Variants in WDFY3 observed in about 807,000 individuals in gnomAD.
The protein encoded by WDFY3 is WD repeat and FYVE domain containing 3.
In WDFY3, 66 loss-of-function variants were observed where a neutral mutation model predicts 409.6. The observed-to-expected ratio is 0.16, with a 90% CI of 0.13 to 0.20. WDFY3 has a LOEUF of 0.20. Among genes scored for constraint, WDFY3 ranks in the 10% least tolerant of loss-of-function variants. The pLI is 1.00. For missense variants in WDFY3, 3,031 were observed against 4,298.1 expected (o/e 0.71, Z 8.24); for synonymous variants, 1,521 against 1,537.1 (o/e 0.99, Z 0.25).
In WDFY3 at chr4:84,733,476, C is replaced by A; in HGVS notation, c.7127G>T (p.Gly2376Val). 6.2e-7 allele frequency: 1 copy of A among 1,613,998 alleles called. No homozygotes were observed. The highest frequency in any genetic ancestry group is 8.5e-7 in the Non-Finnish European group (1 of 1,180,016). The change falls in exon 44 of 68, where the codon GGG becomes GTG. Residue 2376 changes from glycine (G) to valine (V), a missense_variant. Physicochemically the swap from Gly to Val is moderately radical, Grantham distance 109. Transcript: ENST00000295888. The part of the protein sequence containing the change: ...LDKWMLEMTE[G>V]PCRMRKKMVR... ...CATCTTTTTCCTCATCCTGCAGGGC[C>A]CTTCTGTCATCTCCAGCATCCACTT...
At chr4:84,896,301 A>G (rs1259230979) in intron 3 of WDFY3, among the ~76,000 whole-genome samples, 1 of 151,862 alleles carries the variant, frequency 6.6e-6, no homozygotes, top group East Asian at 1.9e-4. Context: ...GAAAATGTAA[A>G]GCAAAAAAAT....
chr4:84,859,075 CAG>C (rs923169517), intron 4 of WDFY3, among the ~76,000 whole-genome samples: 1 of 150,676 alleles, frequency 6.6e-6, no homozygotes, highest in African/African-American at 2.4e-5. Context: ...GTGGGAGGGA[CAG>C]AGAAAGGAGG....
chr4:84,947,429 T>C (rs1773003321), intron 1 of WDFY3, among the ~76,000 whole-genome samples: 1 of 150,344 alleles, frequency 6.7e-6, no homozygotes, highest in South Asian at 2.1e-4. Flanking sequence ...GGAGAATCGC[T>C]TGAACTCGGG....
chr4:84,906,278 C>T (rs1025655971), intron 2 of WDFY3, among the ~76,000 whole-genome samples: 4 of 152,072 alleles, frequency 2.6e-5, no homozygotes, highest in Non-Finnish European at 5.9e-5. Context: ...CAGAGACAGA[C>T]GTGTTTCATT....
intron 6 of WDFY3, among the ~76,000 whole-genome samples, chr4:84,837,706 AT>A (rs1326806763): frequency 6.6e-6 from 1 of 152,202 alleles, no homozygotes; most frequent in Non-Finnish European, 1.5e-5. Flanking sequence ...ATATTTCAAC[AT>A]TGTTAAGTAT....
At chr4:84,949,054 T>C (rs1773268041) in intron 1 of WDFY3, among the ~76,000 whole-genome samples, 1 of 152,154 alleles carries the variant, frequency 6.6e-6, no homozygotes, top group South Asian at 2.1e-4. Flanking sequence ...CCTCAGCGCC[T>C]GTAGTTAGTT....
At position 84,733,621 on chromosome 4, in the gene WDFY3, G is replaced by A; in HGVS notation, c.6994-12C>T. The A allele has an allele frequency of 6.2e-7, 1 of 1,603,512 alleles. No homozygotes were observed. The highest frequency in any genetic ancestry group is 8.5e-7 in the Non-Finnish European group (1 of 1,174,304). Reference sequence around the variant, plus strand: ...GCATTCTGCTGACGCTGACAGGAAAGAGTCCAGGTCGGTTTTCAAGCAAAA... The same window carrying A: ...GCATTCTGCTGACGCTGACAGGAAAAAGTCCAGGTCGGTTTTCAAGCAAAA... On this transcript the variant is annotated splice_polypyrimidine_tract_variant and intron_variant, in intron 43 of 67. Transcript: ENST00000295888.
intron 51 of WDFY3, among the ~76,000 whole-genome samples, chr4:84,711,863 T>A (rs563048260): frequency 9.5e-4 from 142 of 149,284 alleles, no homozygotes; most frequent in Middle Eastern, 3.5e-3. Flanking sequence ...AAAAAAAAAA[T>A]AATAATAATA....
chr4:84,715,274 C>A (rs1733666385), intron 50 of WDFY3, 24 bp downstream of exon 50: 1 of 1,436,566 alleles, frequency 7.0e-7, no homozygotes. Context: ...TAATAGTATA[C>A]AAAGTGTTCC....
intron 2 of WDFY3, among the ~76,000 whole-genome samples, chr4:84,921,711 G>A (rs1386289554): frequency 8.1e-6 from 1 of 123,740 alleles, no homozygotes; most frequent in Non-Finnish European, 1.6e-5. Context: ...AGGCTGGAGT[G>A]CTGTGACACA....
At chr4:84,912,163 G>A (rs909579364) in intron 2 of WDFY3, among the ~76,000 whole-genome samples, 16 of 152,142 alleles carry the variant, frequency 1.1e-4, no homozygotes, top group Admixed American at 1.3e-4. Context: ...GAACTCATAC[G>A]AAGTGCCACT....
rs536825127 is a variant in WDFY3 at position 84,848,459 on chromosome 4, G to C, written c.304+1443C>G. ...GCAAGATTTTCCAAAATGACCCTGA[G>C]TGCTCATCCTGGGCTGCATGGAAGG... On this transcript the variant is annotated intron_variant, in intron 5 of 67. Transcript: ENST00000295888. Among the ~76,000 whole-genome samples the C allele has an allele frequency of 5.9e-5, 9 of 152,260 alleles. No homozygotes were observed. In the South Asian group the frequency reaches 6.2e-4, roughly 11 times the overall value.
rs1423335524 is a variant in WDFY3 at position 84,899,604 on chromosome 4, T to G, written c.-131-2594A>C. 1.3e-5 allele frequency among the ~76,000 whole-genome samples: 2 copies of G among 152,136 alleles called. 1 individual carries two copies. Among genetic ancestry groups the G allele is most frequent in the African/African-American group, 4.8e-5 (2 of 41,416 alleles). The stretch of plus-strand genomic sequence containing the variant: ...GTAAATAAAGTTTTATTGGAACACA[T>G]CCACATTCATTTACTTACGTATTGT... On this transcript the variant is annotated intron_variant, in intron 2 of 67. Transcript: ENST00000295888.
chr4:84,816,314 T>C (rs570925706), intron 13 of WDFY3, among the ~76,000 whole-genome samples: 2 of 152,276 alleles, frequency 1.3e-5, no homozygotes, highest in South Asian at 4.1e-4. Flanking sequence ...AAAACAACTA[T>C]TATTCACAGC....
At chr4:84,872,356 T>C (rs1268399567) in intron 3 of WDFY3, among the ~76,000 whole-genome samples, 2 of 151,762 alleles carry the variant, frequency 1.3e-5, no homozygotes, top group African/African-American at 4.9e-5. Flanking sequence ...TCCCAGCTAC[T>C]TGGGAGACTG....
chr4:84,793,265 T>C (rs1578542459), intron 21 of WDFY3, among the ~76,000 whole-genome samples: 1 of 152,136 alleles, frequency 6.6e-6, no homozygotes, highest in East Asian at 1.9e-4. Flanking sequence ...CTCAAACTCA[T>C]GGGCTTCACC....
rs147348996 is a variant in WDFY3 at position 84,821,607 on chromosome 4, C to T, written c.1124-56G>A. 12,893 of 1,396,238 alleles carry T rather than the reference C, an allele frequency of 9.2e-3. 77 individuals are homozygous for T. Among genetic ancestry groups the T allele is most frequent in the Middle Eastern group, 0.027 (132 of 4,964 alleles). 86.5% of individuals were successfully genotyped at this position (1,396,238 alleles called of 1,614,324 possible). On this transcript the variant is annotated intron_variant, in intron 10 of 67. Transcript: ENST00000295888. ...GTACTATGTGATATTTTAATGATGG[C>T]AAACTAGTCTGTTTAAACACATCAT...
At chr4:84,923,034 G>T (rs1254375798) in intron 2 of WDFY3, among the ~76,000 whole-genome samples, 1 of 152,154 alleles carries the variant, frequency 6.6e-6, no homozygotes, top group Non-Finnish European at 1.5e-5. Flanking sequence ...AAAGCAGTTA[G>T]CCTGTCTCTT....
rs1553989710 is a variant in WDFY3, at chr4:84,851,918, A to ATAGC, written c.181-1894_181-1893insGCTA. On this transcript the variant is annotated intron_variant, in intron 4 of 67. Coordinates refer to ENST00000295888, the MANE Select transcript of WDFY3 (RefSeq NM_014991.6). The stretch of plus-strand genomic sequence containing the variant: ...TAGGCACAGTAAGAGACTGGCAACA[A>ATAGC]TAATAATAAAGTAAAAAAATTGTAA... 1.2e-3 allele frequency among the ~76,000 whole-genome samples: 182 copies of ATAGC among 151,692 alleles called. 3 individuals are homozygous for ATAGC. The highest frequency in any genetic ancestry group is 4.1e-3 in the African/African-American group (171 of 41,262).
Sources: gnomAD v4.1 joint callset for allele counts (sites outside exome capture counted in the v4.1 genomes callset) on GRCh38, gnomAD v4.1.1 for gene constraint, MANE v1.5 for transcripts, NCBI Gene and HGNC (gene_info 2026-07-23, HGNC 2026-07-21) for gene names.